The following GPC5 variants were observed in gnomAD, a reference collection of about 807,000 sequenced individuals.
GPC5 encodes glypican-5.
A neutral mutation model predicts 53.9 loss-of-function variants in GPC5; 47 were observed. The observed-to-expected ratio is 0.87, with a 90% CI of 0.69 to 1.11. The LOEUF (loss-of-function observed/expected upper bound fraction) is 1.11, where lower values mean the gene tolerates loss of function less well. Among genes scored for constraint, GPC5 ranks in the 50% most tolerant of loss-of-function variants. The pLI, the probability that GPC5 is intolerant of heterozygous loss-of-function variation, is 0.00. For missense variants in GPC5, 748 were observed against 713.1 expected, an observed-to-expected ratio of 1.05 and a Z score of -0.56; for synonymous variants, 286 against 263.3, an observed-to-expected ratio of 1.09 and a Z score of -0.84.
At chr13:92,309,724 T>A (rs1391351902) in intron 7 of GPC5, among the ~76,000 whole-genome samples, 2 of 152,052 alleles carry the variant, frequency 1.3e-5, no homozygotes, top group Non-Finnish European at 2.9e-5. Context: ...ATCTCACATG[T>A]TTATCTTTAA....
At chr13:91,879,723 A>G (rs1268512539) in intron 5 of GPC5, among the ~76,000 whole-genome samples, 1 of 152,224 alleles carries the variant, frequency 6.6e-6, no homozygotes, top group African/African-American at 2.4e-5. Context: ...TGAGAGGGAT[A>G]TAAACACTAT....
chr13:91,995,329 G>A (rs1198797918), intron 6 of GPC5: 5 of 152,032 alleles, frequency 3.3e-5, no homozygotes, highest in Admixed American at 1.3e-4. Context: ...TATCCATTTC[G>A]AATTTTGTAA....
chr13:92,308,448 T>A (rs2043125370), intron 7 of GPC5, among the ~76,000 whole-genome samples: 1 of 152,204 alleles, frequency 6.6e-6, no homozygotes, highest in South Asian at 2.1e-4. Flanking sequence ...TACGAGTTTA[T>A]ATTCATTAAA....
intron 5 of GPC5, among the ~76,000 whole-genome samples, chr13:91,818,253 C>G (rs1490931389): frequency 6.6e-6 from 1 of 152,130 alleles, no homozygotes; most frequent in African/African-American, 2.4e-5. Flanking sequence ...TTTTTGTTTA[C>G]CAGAATGTCT....
At chr13:91,953,601 C>T (rs772152397) in intron 6 of GPC5, among the ~76,000 whole-genome samples, 58 of 152,260 alleles carry the variant, frequency 3.8e-4, no homozygotes, top group Admixed American at 1.0e-3. Flanking sequence ...CTAGTTCATT[C>T]GGGCTGCTAT....
chr13:91,452,346 A>G (rs1881240709), intron 2 of GPC5, among the ~76,000 whole-genome samples: 1 of 152,122 alleles, frequency 6.6e-6, no homozygotes, highest in South Asian at 2.1e-4. Context: ...TCTAAGGGCA[A>G]TCATCCATGA....
At chr13:92,091,539 A>T (rs1378374074) in intron 6 of GPC5, among the ~76,000 whole-genome samples, 1 of 152,100 alleles carries the variant, frequency 6.6e-6, no homozygotes, top group Non-Finnish European at 1.5e-5. Context: ...ACTAGCTACT[A>T]TATGCTATAA....
intron 1 of GPC5, among the ~76,000 whole-genome samples, chr13:91,421,089 G>A (rs183192129): frequency 6.6e-6 from 1 of 152,294 alleles, no homozygotes; most frequent in Non-Finnish European, 1.5e-5. Flanking sequence ...ATGCTATCAG[G>A]AGCATATTTC....
At chr13:91,821,390 T>C (rs1298594605) in intron 5 of GPC5, among the ~76,000 whole-genome samples, 1 of 152,224 alleles carries the variant, frequency 6.6e-6, no homozygotes, top group Non-Finnish European at 1.5e-5. Flanking sequence ...CATATTATTG[T>C]ATTGTCTAGG....
intron 5 of GPC5, among the ~76,000 whole-genome samples, chr13:91,837,833 A>T (rs1439466483): frequency 6.6e-6 from 1 of 152,128 alleles, no homozygotes; most frequent in Non-Finnish European, 1.5e-5. Flanking sequence ...GAATCTCAAG[A>T]GAGAAATGAG....
intron 3 of GPC5, among the ~76,000 whole-genome samples, chr13:91,726,459 G>A (rs1055492295): frequency 1.3e-5 from 2 of 152,130 alleles, no homozygotes; most frequent in African/African-American, 2.4e-5. Context: ...AAAAAATAAA[G>A]CTCCTTAGCC....
intron 7 of GPC5, among the ~76,000 whole-genome samples, chr13:92,613,902 A>T (rs925733901): frequency 3.3e-5 from 5 of 151,752 alleles, no homozygotes; most frequent in Non-Finnish European, 7.4e-5. Flanking sequence ...ACAAAAAACC[A>T]AAAAGTGAAA....
intron 1 of GPC5, among the ~76,000 whole-genome samples, chr13:91,433,345 A>C (rs1351749287): frequency 2.3e-4 from 27 of 119,528 alleles, no homozygotes; most frequent in African/African-American, 3.4e-4. Flanking sequence ...TGCTATCCCT[A>C]CCCCCTCCCC....
chr13:91,984,055 G>A (rs1169678951), intron 6 of GPC5, among the ~76,000 whole-genome samples: 2 of 152,042 alleles, frequency 1.3e-5, no homozygotes, highest in Non-Finnish European at 2.9e-5. Context: ...TTCTAGATTT[G>A]TGCTCCACCC....
chr13:92,797,416 T>G (rs1876725095), intron 7 of GPC5, among the ~76,000 whole-genome samples: 1 of 151,920 alleles, frequency 6.6e-6, no homozygotes, highest in African/African-American at 2.4e-5. Flanking sequence ...GGTTACATAA[T>G]CATTAGGATC....
chr13:92,290,079 A>G (rs1416137185), intron 7 of GPC5, among the ~76,000 whole-genome samples: 3 of 152,190 alleles, frequency 2.0e-5, no homozygotes, highest in East Asian at 1.9e-4. Flanking sequence ...TCAACTGGCA[A>G]TTATGGGATT....
At chr13:92,285,805 C>T (rs2042950103) in intron 7 of GPC5, among the ~76,000 whole-genome samples, 1 of 152,132 alleles carries the variant, frequency 6.6e-6, no homozygotes, top group African/African-American at 2.4e-5. Context: ...AAAACCTAGG[C>T]AACACCATTC....
At chr13:91,926,916 A>G (rs530367986) in intron 6 of GPC5, among the ~76,000 whole-genome samples, 63 of 152,306 alleles carry the variant, frequency 4.1e-4, no homozygotes, top group Admixed American at 3.7e-3. Context: ...TTCTACCATG[A>G]TTATATTTTT....
intron 7 of GPC5, among the ~76,000 whole-genome samples, chr13:92,752,844 C>A (rs923931548): frequency 6.6e-6 from 1 of 152,172 alleles, no homozygotes; most frequent in African/African-American, 2.4e-5. Flanking sequence ...GACCTACGCC[C>A]AGGGAGTCTC....
Sources: allele counts gnomAD v4.1 joint callset (sites outside exome capture counted in the v4.1 genomes callset), GRCh38; gene constraint gnomAD v4.1.1; transcripts MANE v1.5; gene names NCBI Gene and HGNC (gene_info 2026-07-23, HGNC 2026-07-21).